The following CXorf38 variants were observed in gnomAD, a reference collection of about 807,000 sequenced individuals.
The protein encoded by CXorf38 is uncharacterized protein CXorf38.
A neutral mutation model predicts 27.5 loss-of-function variants in CXorf38; 13 were observed. The observed-to-expected ratio is 0.47, with a 90% CI of 0.31 to 0.75. The LOEUF is 0.75. Ranked by LOEUF, CXorf38 falls within the 30% of genes least tolerant of loss-of-function variation. CXorf38 has a pLI of 0.05. For missense variants in CXorf38, 240 were observed against 253.2 expected (o/e 0.95, Z 0.35); for synonymous variants, 100 against 99.8 (o/e 1.00, Z -0.01).
chrX:40,640,080 C>T, intron 2 of CXorf38: 1 of 256,142 alleles, frequency 3.9e-6, no homozygotes, highest in Non-Finnish European at 7.2e-6. Context: ...TACAGTGGCT[C>T]ATTCCTGTAA....
Position 40,646,552 on chromosome X carries a change from C to T in CXorf38, c.351+455G>A, listed in dbSNP as rs767294530. ...ACCCCATTCCCAGCTACCCAAAGTGCCTTTAACTGGGCACTTAAGGTGCTA... is the reference window on the plus strand; with the variant it reads ...ACCCCATTCCCAGCTACCCAAAGTGTCTTTAACTGGGCACTTAAGGTGCTA... On this transcript the variant is annotated intron_variant, in intron 2 of 6. Coordinates refer to ENST00000327877, the MANE Select transcript of CXorf38 (RefSeq NM_144970.3). 9.0e-5 allele frequency among the ~76,000 whole-genome samples: 10 copies of T among 111,670 alleles called. No individual in the cohort carries two copies. In the East Asian group the frequency reaches 2.8e-3, roughly 31 times the overall value.
In CXorf38 at chrX:40,627,812, T is replaced by C. The variant is rs1457539452; in HGVS notation, c.*2352A>G. 1 of 112,235 alleles carries C rather than the reference T, an allele frequency of 8.9e-6. No homozygotes were observed. The highest frequency in any genetic ancestry group is 2.8e-4 in the East Asian group (1 of 3,604). The allele number at this position is 112,235 out of a possible 1,213,427, so 9.2% of individuals were successfully genotyped here. A position where few individuals can be genotyped will look rare whatever the true frequency, so the allele number is the denominator to read the frequency against. On this transcript the variant is annotated 3_prime_UTR_variant, in exon 7 of 7. Transcript: ENST00000327877. ...GCGGACAAATCCAGTAAGATGACAG[T>C]TCGTATACCATCATCCATACCTTAC...
chrX:40,647,456 C>A lies in CXorf38; in HGVS notation c.65G>T (p.Gly22Val). ...CAEYKNWVKA[G>V]HCLLLLRSCL... ...GCTGCGCAGCAGTAACAGGCAGTGG[C>A]CCGCCTTCACCCAGTTCTTGTACTC... is the stretch of plus-strand genomic sequence containing the variant. The change falls in exon 1 of 7, where the codon GGC (glycine) becomes GTC (valine). Residue 22 changes from glycine (G) to valine (V), a missense_variant. Gly to Val is a moderately radical substitution (Grantham distance 109, BLOSUM62 -3). Coordinates refer to ENST00000327877, the MANE Select transcript of CXorf38 (RefSeq NM_144970.3). 8.4e-7 allele frequency: 1 copy of A among 1,193,648 alleles called. No individual in the cohort carries two copies. The highest frequency in any genetic ancestry group is 1.1e-6 in the Non-Finnish European group (1 of 889,080).
intron 2 of CXorf38, among the ~76,000 whole-genome samples, chrX:40,643,213 C>T (rs1314586419): frequency 9.0e-6 from 1 of 111,725 alleles, no homozygotes; most frequent in Non-Finnish European, 1.9e-5. Context: ...CAGGCATGAG[C>T]CACCACATCC....
rs773838974 is a variant in CXorf38, at chrX:40,636,679, C to T, written c.655G>A (p.Glu219Lys). 37 of 1,205,404 alleles carry T rather than the reference C, an allele frequency of 3.1e-5. No homozygotes were observed. The East Asian group carries it at 3.9e-4, about 13-fold the overall frequency. Residue 219 changes from glutamate (E) to lysine (K), a missense_variant, in exon 5 of 7, where the codon GAG becomes AAG. By Grantham distance (56) the Glu-to-Lys change is moderately conservative. Coordinates refer to ENST00000327877, the MANE Select transcript of CXorf38 (RefSeq NM_144970.3). ...LTSDWAVHIPEEDQRDGCECE... is the reference protein window; with the variant it reads ...LTSDWAVHIPKEDQRDGCECE... ...TCACACCCATCTCGCTGATCTTCCTCGGGGATGTGAACAGCCCAGTCAGAC... is the reference window on the plus strand; with the variant it reads ...TCACACCCATCTCGCTGATCTTCCTTGGGGATGTGAACAGCCCAGTCAGAC...
chrX:40,643,800 G>A (rs1461279455), intron 2 of CXorf38, among the ~76,000 whole-genome samples: 6 of 111,832 alleles, frequency 5.4e-5, no homozygotes, highest in African/African-American at 1.6e-4. Context: ...TTGAGCCACC[G>A]TGCCCCGCCT....
rs918779404 is a variant in CXorf38 at position 40,627,434 on chromosome X, G to A, written c.*2730C>T. 1 of 112,338 alleles carries A rather than the reference G, an allele frequency of 8.9e-6. No homozygotes were observed. The highest frequency in any genetic ancestry group is 1.9e-5 in the Non-Finnish European group (1 of 53,295). The allele number at this position is 112,338 out of a possible 1,213,427, so 9.3% of individuals were successfully genotyped here. A position where few individuals can be genotyped will look rare whatever the true frequency, so the allele number is the denominator to read the frequency against. ...TCAAACTCCTGACCTCAGGTGATCC[G>A]CCCTACTCAGCCTCCCAAAGTGCTG... On this transcript the variant is annotated 3_prime_UTR_variant, in exon 7 of 7. Coordinates refer to ENST00000327877, the MANE Select transcript of CXorf38 (RefSeq NM_144970.3).
At chrX:40,630,266 T>C in intron 6 of CXorf38, 104 bp from the exon 7 acceptor site, 1 of 140,609 alleles carries the variant, frequency 7.1e-6, no homozygotes, top group Non-Finnish European at 1.4e-5. Context: ...TTATGGAAAT[T>C]GACTAGTCAA....
chrX:40,645,294 T>C lies in CXorf38; in HGVS notation c.351+1713A>G, dbSNP rs1413280404. ...TGAGGGGGAGTGAAGCAGAGGATGC[T>C]GGAATCAGGAGCCCAGAAACTGAGA... On this transcript the variant is annotated intron_variant, in intron 2 of 6. Coordinates refer to ENST00000327877, the MANE Select transcript of CXorf38 (RefSeq NM_144970.3). Among the ~76,000 whole-genome samples the C allele has an allele frequency of 2.7e-5, 3 of 110,929 alleles. No homozygotes were observed. The South Asian group carries it at 1.1e-3, about 42-fold the overall frequency.
intron 6 of CXorf38, 47 bp from the exon 7 acceptor site, chrX:40,630,209 GA>G (rs1441237932): frequency 3.4e-5 from 4 of 116,386 alleles, no homozygotes; most frequent in Non-Finnish European, 7.1e-5. Flanking sequence ...TTTGAGGGGG[GA>G]AAAAGTAAAA....
Position 40,628,923 on chromosome X carries a change from G to A in CXorf38, c.*1241C>T, listed in dbSNP as rs141220978. 4.3e-3 allele frequency: 474 copies of A among 111,010 alleles called. No homozygotes were observed. Among genetic ancestry groups the A allele is most frequent in the Middle Eastern group, 9.3e-3 (2 of 214 alleles). The allele number at this position is 111,010 out of a possible 1,213,427, so 9.1% of individuals were successfully genotyped here. A position where few individuals can be genotyped will look rare whatever the true frequency, so the allele number is the denominator to read the frequency against. The stretch of plus-strand genomic sequence containing the variant: ...GGTCCTGCCTGTCCACTGGTCACTC[G>A]AGTCACCATTCTCCAGCTCCCCACA... On this transcript the variant is annotated 3_prime_UTR_variant, in exon 7 of 7. Coordinates refer to ENST00000327877, the MANE Select transcript of CXorf38 (RefSeq NM_144970.3).
At chrX:40,641,899 G>C (rs915572052) in intron 2 of CXorf38, among the ~76,000 whole-genome samples, 2 of 111,784 alleles carry the variant, frequency 1.8e-5, no homozygotes, top group Admixed American at 1.9e-4. Context: ...AGATGGGGCT[G>C]GAAAATAAAC....
rs1927645910 is a variant in CXorf38, at chrX:40,628,907, T to C, written c.*1257A>G. The C allele has an allele frequency of 9.0e-6, 1 of 111,318 alleles. No individual in the cohort carries two copies. Among genetic ancestry groups the C allele is most frequent in the South Asian group, 3.8e-4 (1 of 2,638 alleles). The allele number at this position is 111,318 out of a possible 1,213,427, so 9.2% of individuals were successfully genotyped here. On this transcript the variant is annotated 3_prime_UTR_variant, in exon 7 of 7. Coordinates refer to ENST00000327877, the MANE Select transcript of CXorf38 (RefSeq NM_144970.3). ...TTGTAATGCTGGCCTGGGTCCTGCC[T>C]GTCCACTGGTCACTCGAGTCACCAT...
chrX:40,639,042 A>G lies in CXorf38; in HGVS notation c.438T>C (p.Asp146=). The G allele has an allele frequency of 8.3e-7, 1 of 1,211,305 alleles. No homozygotes were observed. Among genetic ancestry groups the G allele is most frequent in the Non-Finnish European group, 1.1e-6 (1 of 895,124 alleles). ...VALLSLINSC[D]HFVVDRKKVT... is the part of the protein sequence containing the mutation. Reference sequence around the variant, plus strand: ...CTTTCTTTCGATCAACCACGAAGTGATCGCAGGAGTTGATGAGACTTAAAA... The same window carrying G: ...CTTTCTTTCGATCAACCACGAAGTGGTCGCAGGAGTTGATGAGACTTAAAA... Residue 146 remains aspartate (D), a synonymous_variant, in exon 3 of 7, where the codon GAT becomes GAC. Coordinates refer to ENST00000327877, the MANE Select transcript of CXorf38 (RefSeq NM_144970.3).
intron 5 of CXorf38, among the ~76,000 whole-genome samples, chrX:40,635,036 G>A (rs889087584): frequency 8.9e-6 from 1 of 112,544 alleles, no homozygotes; most frequent in African/African-American, 3.2e-5. Context: ...CTCAGACCCA[G>A]TGCAAGCTCC....
intron 2 of CXorf38, chrX:40,640,168 T>C (rs768337772): frequency 6.5e-6 from 2 of 307,708 alleles, no homozygotes; most frequent in African/African-American, 5.6e-5. Context: ...CCCATCTCTA[T>C]TAAAAAAAAA....
chrX:40,641,259 G>A (rs777293324), intron 2 of CXorf38, among the ~76,000 whole-genome samples: 2 of 111,829 alleles, frequency 1.8e-5, no homozygotes, highest in South Asian at 7.4e-4. Flanking sequence ...CTGTTGCTGG[G>A]AGGAAAATGC....
At chrX:40,645,543 G>A (rs1458618327) in intron 2 of CXorf38, among the ~76,000 whole-genome samples, 1 of 110,970 alleles carries the variant, frequency 9.0e-6, no homozygotes, top group Non-Finnish European at 1.9e-5. Flanking sequence ...TGGCTGCAGT[G>A]GAAAAAAATG....
intron 3 of CXorf38, among the ~76,000 whole-genome samples, chrX:40,637,541 C>T (rs1216977289): frequency 8.9e-6 from 1 of 112,073 alleles, no homozygotes; most frequent in South Asian, 3.8e-4. Context: ...AACTGGGGAG[C>T]AGAGGCCCTA....
Sources: gnomAD v4.1 joint callset for allele counts (sites outside exome capture counted in the v4.1 genomes callset) on GRCh38, gnomAD v4.1.1 for gene constraint, MANE v1.5 for transcripts, NCBI Gene and HGNC (gene_info 2026-07-23, HGNC 2026-07-21) for gene names.